The following AIG1 variants were observed in gnomAD, a reference collection of about 807,000 sequenced individuals.
AIG1 encodes the protein androgen induced 1, also known as androgen-induced gene 1 protein.
Under a neutral mutation model 31.4 loss-of-function variants are expected in AIG1, and 23 were observed. The observed-to-expected ratio is 0.73, with a 90% CI of 0.53 to 1.04. The LOEUF is 1.04. AIG1 is among the 50% of genes least tolerant of loss of function. The pLI is 0.00. For synonymous variants in AIG1, 100 were observed against 110.5 expected (o/e 0.90, Z 0.60); for missense variants, 274 against 295.0 (o/e 0.93, Z 0.52).
intron 1 of AIG1, among the ~76,000 whole-genome samples, chr6:143,125,982 A>T (rs961446312): frequency 4.6e-5 from 7 of 152,226 alleles, no homozygotes; most frequent in Non-Finnish European, 8.8e-5. Context: ...TCTAAATCAC[A>T]TTCTGCAAAC....
chr6:143,214,207 C>G (rs770573924), intron 3 of AIG1, among the ~76,000 whole-genome samples: 19 of 152,166 alleles, frequency 1.2e-4, no homozygotes, highest in Non-Finnish European at 2.1e-4. Flanking sequence ...GATAGTCCTG[C>G]CTGGACTGAA....
At chr6:143,087,917 T>C (rs1273918616) in intron 1 of AIG1, among the ~76,000 whole-genome samples, 1 of 152,234 alleles carries the variant, frequency 6.6e-6, no homozygotes, top group Non-Finnish European at 1.5e-5. Context: ...GTAGATTAAC[T>C]GCAGATCTTT....
At chr6:143,277,259 C>T (rs983233734) in intron 3 of AIG1, among the ~76,000 whole-genome samples, 1 of 152,070 alleles carries the variant, frequency 6.6e-6, no homozygotes, top group Non-Finnish European at 1.5e-5. Flanking sequence ...ACAAAATATT[C>T]GAGTTACAAT....
At chr6:143,342,592 G>C (rs192994194), downstream of AIG1, 3,158 of 1,038,330 alleles carry the variant, frequency 3.0e-3, 31 homozygotes, top group South Asian at 0.014. Context: ...ATTTGGATCA[G>C]CTGCTATTTG....
At chr6:143,337,872 C>T (rs991988962) in intron 5 of AIG1, 3 of 398,022 alleles carry the variant, frequency 7.5e-6, no homozygotes. Flanking sequence ...GTGTATCCTG[C>T]CTTCGCTTTG....
chr6:143,189,039 T>C (rs1157540152), intron 3 of AIG1: 1 of 977,706 alleles, frequency 1.0e-6, no homozygotes, highest in East Asian at 1.1e-4. Flanking sequence ...CATTTTTAAC[T>C]TTTTTTATTT....
chr6:143,096,353 C>T (rs1444310049), intron 1 of AIG1, among the ~76,000 whole-genome samples: 1 of 152,178 alleles, frequency 6.6e-6, no homozygotes, highest in African/African-American at 2.4e-5. Context: ...ATGGGCTTTT[C>T]CTGCCTTCAT....
At chr6:143,179,946 C>T (rs1245033178) in intron 3 of AIG1, among the ~76,000 whole-genome samples, 1 of 152,208 alleles carries the variant, frequency 6.6e-6, no homozygotes, top group Non-Finnish European at 1.5e-5. Flanking sequence ...ACATGACAAA[C>T]ATTAGGCATT....
intron 3 of AIG1, chr6:143,190,602 ATTCAGTG>A: frequency 1.0e-6 from 1 of 985,432 alleles, no homozygotes; most frequent in Non-Finnish European, 1.2e-6. Context: ...AAAAAACTTC[ATTCAGTG>A]TCCTGGCACA....
intron 2 of AIG1, among the ~76,000 whole-genome samples, chr6:143,148,179 A>G (rs1784861854): frequency 6.6e-6 from 1 of 152,052 alleles, no homozygotes; most frequent in South Asian, 2.1e-4. Flanking sequence ...CAGATGACAT[A>G]TACAGCAGTG....
At chr6:143,269,811 T>A (rs1416573951) in intron 3 of AIG1, among the ~76,000 whole-genome samples, 1 of 152,198 alleles carries the variant, frequency 6.6e-6, no homozygotes, top group Non-Finnish European at 1.5e-5. Flanking sequence ...TGGTTGCCTT[T>A]ATGGAGATTC....
chr6:143,129,213 C>G lies in AIG1; in HGVS notation c.142-7622C>G, dbSNP rs148874217. On this transcript the variant is annotated intron_variant, in intron 1 of 5. Coordinates refer to ENST00000357847, the MANE Select transcript of AIG1 (RefSeq NM_016108.4). ...GGCCGAGGCAGGCGAATGGCATGAACCTGGGAGGCGGAGCTTGCAGTGAGC... is the reference window on the plus strand; with the variant it reads ...GGCCGAGGCAGGCGAATGGCATGAAGCTGGGAGGCGGAGCTTGCAGTGAGC... 2.9e-3 allele frequency among the ~76,000 whole-genome samples: 442 copies of G among 152,240 alleles called. 2 individuals are homozygous for G. Among genetic ancestry groups the G allele is most frequent in the African/African-American group, 0.01 (420 of 41,526 alleles).
chr6:143,164,139 G>A (rs1273657133), intron 2 of AIG1, among the ~76,000 whole-genome samples: 1 of 151,970 alleles, frequency 6.6e-6, no homozygotes, highest in Admixed American at 6.6e-5. Flanking sequence ...AGTCAAAATT[G>A]TTTCTAATAT....
intron 3 of AIG1, among the ~76,000 whole-genome samples, chr6:143,227,727 G>T (rs1793109475): frequency 6.6e-6 from 1 of 152,114 alleles, no homozygotes; most frequent in Non-Finnish European, 1.5e-5. Flanking sequence ...TGGCCATAGG[G>T]GTTGGGTCTT....
At chr6:143,094,070 T>TG (rs1196437796) in intron 1 of AIG1, 1 of 152,224 alleles carries the variant, frequency 6.6e-6, no homozygotes, top group African/African-American at 2.4e-5. Context: ...CCTTGCTTGA[T>TG]GCAGGGTTGC....
chr6:143,190,060 A>G (rs1789645336), intron 3 of AIG1: 4 of 585,098 alleles, frequency 6.8e-6, no homozygotes, highest in Admixed American at 6.3e-5. Context: ...CACCAATCCC[A>G]TTCATTGAGG....
At position 143,333,314 on chromosome 6, in the gene AIG1, G is replaced by A. The variant is rs767097349; in HGVS notation, c.548G>A (p.Trp183Ter). ...TGGGTGCATCATGTAACTGGCATGT[G>A]GGTGTACCCTTTCCTGGAACACATT... ...VCWVHHVTGM[W>*]VYPFLEHIGP... Residue 183 changes from tryptophan to a stop codon, truncating the protein, a stop_gained, in exon 5 of 6, where the codon TGG (tryptophan) becomes TAG (stop). Transcript: ENST00000357847. LOFTEE classifies it high-confidence loss of function. The surrounding 1 kb of genome is among the most constrained non-coding windows in gnomAD (Gnocchi z 4.6). 2 of 1,613,310 alleles carry A rather than the reference G, an allele frequency of 1.2e-6. No individual in the cohort carries two copies. The highest frequency in any genetic ancestry group is 2.2e-5 in the South Asian group (2 of 90,948).
In AIG1 at chr6:143,165,105, C is replaced by G; in HGVS notation, c.321C>G (p.Ile107Met). 6.2e-7 allele frequency: 1 copy of G among 1,613,284 alleles called. No individual in the cohort carries two copies. The highest frequency in any genetic ancestry group is 1.7e-4 in the Middle Eastern group (1 of 6,058). Residue 107 changes from isoleucine (I) to methionine (M), a missense_variant, in exon 3 of 6, where the codon ATC (isoleucine) becomes ATG (methionine). Around this residue, in one of 2 missense-constraint regions of AIG1, gnomAD observed 243 missense variants for 238.5 expected, o/e 1.02. Transcript: ENST00000357847. The stretch of plus-strand genomic sequence containing the variant: ...AGTTTGTTGTAGCAGTGTTCTGGAT[C>G]ATTTATGCCTATGACAGAGAGATGA... The part of the protein sequence containing the change: ...VGVFVVAVFW[I>M]IYAYDREMIY...
downstream of AIG1, chr6:143,343,309 A>G (rs1202624386): frequency 1.6e-6 from 1 of 615,974 alleles, no homozygotes; most frequent in Non-Finnish European, 3.2e-6. Flanking sequence ...ATTTGGAAGA[A>G]CAGGGAGCCT....
Sources: allele counts gnomAD v4.1 joint callset (sites outside exome capture counted in the v4.1 genomes callset), GRCh38; gene constraint gnomAD v4.1.1; regional missense constraint gnomAD v4.1.1; non-coding constraint Gnocchi (gnomAD v3.1); transcripts MANE v1.5; gene names NCBI Gene and HGNC (gene_info 2026-07-23, HGNC 2026-07-21).